CYP27A1: variants seen among roughly 807,000 people sequenced by gnomAD.
CYP27A1 encodes the protein cytochrome P450 family 27 subfamily A member 1.
CYP27A1 carries 46 observed loss-of-function variants against 58.2 expected under a neutral mutation model. That is an observed-to-expected ratio of 0.79 (90% CI 0.62 to 1.01). The LOEUF (loss-of-function observed/expected upper bound fraction) is 1.01. CYP27A1 is among the 50% of genes least tolerant of loss of function. CYP27A1 has a pLI of 0.00. For synonymous variants in CYP27A1, 274 were observed against 285.1 expected, an observed-to-expected ratio of 0.96 and a Z score of 0.39; for missense variants, 704 against 687.0, an observed-to-expected ratio of 1.02 and a Z score of -0.28.
intron 2 of CYP27A1, among the ~76,000 whole-genome samples, chr2:218,810,551 A>G (rs538749839): frequency 6.6e-6 from 1 of 152,210 alleles, no homozygotes; most frequent in African/African-American, 2.4e-5. Flanking sequence ...CTGCTAACTC[A>G]TGATAAGTTT....
At chr2:218,787,007 T>A (rs913936823) in intron 1 of CYP27A1, among the ~76,000 whole-genome samples, 1 of 152,146 alleles carries the variant, frequency 6.6e-6, no homozygotes, top group African/African-American at 2.4e-5. Flanking sequence ...CCCAGGCTGG[T>A]CTTGAACTCC....
rs770217459 is a variant in CYP27A1 at position 218,812,219 on chromosome 2, C to A, written c.447-3C>A. Reference sequence around the variant, plus strand: ...TTTGTGCTGTTCCTCTGCGTCCCTGCAGGGAAGGACACCACTGGTACCAGC... The same window carrying A: ...TTTGTGCTGTTCCTCTGCGTCCCTGAAGGGAAGGACACCACTGGTACCAGC... On this transcript the variant is annotated splice_polypyrimidine_tract_variant and splice_region_variant and intron_variant, in intron 2 of 8. Transcript: ENST00000258415. 4 of 1,613,416 alleles carry A rather than the reference C, an allele frequency of 2.5e-6. No homozygotes were observed. The highest frequency in any genetic ancestry group is 2.2e-5 in the East Asian group (1 of 44,892).
intron 1 of CYP27A1, among the ~76,000 whole-genome samples, chr2:218,784,255 A>G (rs1943422142): frequency 6.6e-6 from 1 of 152,236 alleles, no homozygotes; most frequent in African/African-American, 2.4e-5. Flanking sequence ...GTGAAAATAA[A>G]TAATTCAAAA....
intron 4 of CYP27A1, 36 bp downstream of exon 4, chr2:218,812,785 T>C: frequency 6.2e-7 from 1 of 1,611,544 alleles, no homozygotes; most frequent in Non-Finnish European, 8.5e-7. Context: ...GGAAGAGAGA[T>C]GGGGGTGACT....
intron 1 of CYP27A1, among the ~76,000 whole-genome samples, chr2:218,783,269 A>AAG (rs1008015547): frequency 6.6e-6 from 1 of 151,576 alleles, no homozygotes; most frequent in East Asian, 1.9e-4. Context: ...AAAAAAAAAA[A>AAG]AAAAAAAGAA....
chr2:218,789,462 TG>T (rs763123783), intron 1 of CYP27A1, among the ~76,000 whole-genome samples: 115 of 152,204 alleles, frequency 7.6e-4, no homozygotes, highest in Non-Finnish European at 1.3e-3. Context: ...AAAAGGAAAG[TG>T]ACATACAAAA....
rs902027153 is a variant in CYP27A1 at position 218,813,055 on chromosome 2, A to G, written c.976A>G (p.Met326Val). Residue 326 changes from methionine (M) to valine (V), a missense_variant, in exon 5 of 9, where the codon ATG becomes GTG. Physicochemically the swap from Met to Val is conservative, Grantham distance 21. Transcript: ENST00000258415. ...TGGACAGCTCAGTCCTCGGGAGGCC[A>G]TGGGCAGCCTGCCTGAGCTGCTCAT... is the stretch of plus-strand genomic sequence containing the variant. ...ASGQLSPREAMGSLPELLMAG... is the reference protein window; with the variant it reads ...ASGQLSPREAVGSLPELLMAG... 3 of 1,614,010 alleles carry G rather than the reference A, an allele frequency of 1.9e-6. No homozygotes were observed. Among genetic ancestry groups the G allele is most frequent in the Non-Finnish European group, 2.5e-6 (3 of 1,179,848 alleles).
At chr2:218,795,983 A>G (rs540970486) in intron 1 of CYP27A1, among the ~76,000 whole-genome samples, 2 of 152,344 alleles carry the variant, frequency 1.3e-5, no homozygotes, top group East Asian at 3.9e-4. Context: ...GTATCCTTAA[A>G]TACCTGTGAG....
intron 1 of CYP27A1, among the ~76,000 whole-genome samples, chr2:218,800,852 C>T (rs1943593363): frequency 6.6e-6 from 1 of 152,180 alleles, no homozygotes; most frequent in South Asian, 2.1e-4. Context: ...ACCATATGCT[C>T]TCTTTTGTAA....
intron 2 of CYP27A1, among the ~76,000 whole-genome samples, chr2:218,811,985 G>A (rs548348911): frequency 3.2e-4 from 48 of 152,244 alleles, no homozygotes; most frequent in African/African-American, 1.1e-3. Context: ...ACCCTAGACA[G>A]TCTGGTTCTA....
At chr2:218,800,501 A>G (rs1159942879) in intron 1 of CYP27A1, among the ~76,000 whole-genome samples, 3 of 152,204 alleles carry the variant, frequency 2.0e-5, no homozygotes, top group African/African-American at 7.2e-5. Context: ...TTACCTTTAA[A>G]AAAATCACAT....
intron 1 of CYP27A1, among the ~76,000 whole-genome samples, chr2:218,808,500 G>A (rs950861826): frequency 8.5e-5 from 13 of 152,208 alleles, no homozygotes; most frequent in African/African-American, 2.7e-4. Flanking sequence ...TAAAGTTGGA[G>A]TTTTTCTGGA....
intron 1 of CYP27A1, among the ~76,000 whole-genome samples, chr2:218,790,774 T>A (rs1047875907): frequency 1.2e-4 from 19 of 152,012 alleles, no homozygotes; most frequent in Admixed American, 3.9e-4. Flanking sequence ...CTCGGCTCAC[T>A]GCAAGCTCCA....
intron 1 of CYP27A1, among the ~76,000 whole-genome samples, chr2:218,791,069 C>T (rs540395596): frequency 6.6e-5 from 10 of 152,274 alleles, no homozygotes; most frequent in African/African-American, 2.4e-4. Context: ...CACCTGACTT[C>T]AAGTGATCCA....
At chr2:218,810,891 T>C (rs1316264278) in intron 2 of CYP27A1, among the ~76,000 whole-genome samples, 1 of 152,170 alleles carries the variant, frequency 6.6e-6, no homozygotes, top group Non-Finnish European at 1.5e-5. Flanking sequence ...CTCACGCCTG[T>C]AATCCCAGCA....
chr2:218,785,002 TTGTG>T (rs1943428328), intron 1 of CYP27A1, among the ~76,000 whole-genome samples: 1 of 152,202 alleles, frequency 6.6e-6, no homozygotes, highest in Non-Finnish European at 1.5e-5. Context: ...ATTACATTTA[TTGTG>T]TATTTTATTT....
At chr2:218,785,209 A>G (rs1178803798) in intron 1 of CYP27A1, among the ~76,000 whole-genome samples, 1 of 152,108 alleles carries the variant, frequency 6.6e-6, no homozygotes, top group African/African-American at 2.4e-5. Context: ...TGCAGTTCAC[A>G]ATAGGGTTTG....
intron 1 of CYP27A1, among the ~76,000 whole-genome samples, chr2:218,795,557 C>A (rs2105973654): frequency 6.6e-6 from 1 of 152,266 alleles, no homozygotes; most frequent in East Asian, 1.9e-4. Context: ...TTATTCCTGT[C>A]ACCTGACAGG....
At chr2:218,805,615 A>G (rs1943643861) in intron 1 of CYP27A1, among the ~76,000 whole-genome samples, 1 of 152,230 alleles carries the variant, frequency 6.6e-6, no homozygotes, top group African/African-American at 2.4e-5. Flanking sequence ...TAGGAGGAAC[A>G]GGACATGAGA....
Sources: allele counts gnomAD v4.1 joint callset (sites outside exome capture counted in the v4.1 genomes callset), GRCh38; gene constraint gnomAD v4.1.1; transcripts MANE v1.5; gene names NCBI Gene and HGNC (gene_info 2026-07-23, HGNC 2026-07-21).